Variants in MYO16 observed in about 807,000 individuals in gnomAD.
The protein encoded by MYO16 is myosin XVI.
A neutral mutation model predicts 205.3 loss-of-function variants in MYO16; 94 were observed. That is an observed-to-expected ratio of 0.46 (90% CI 0.39 to 0.54). The LOEUF (loss-of-function observed/expected upper bound fraction) is 0.54. MYO16 is among the 20% of genes least tolerant of loss of function. The pLI is 0.00. For missense variants in MYO16, 2,315 were observed against 2,387.5 expected (o/e 0.97, Z 0.63); for synonymous variants, 988 against 954.0 (o/e 1.04, Z -0.66).
At chr13:109,021,522 TG>T (rs1886021804) in intron 23 of MYO16, among the ~76,000 whole-genome samples, 1 of 152,174 alleles carries the variant, frequency 6.6e-6, no homozygotes, top group Admixed American at 6.6e-5. Context: ...TTCTGAGTCT[TG>T]TGCCATCATA....
In MYO16 at chr13:108,759,798, C is replaced by T. The variant is rs537548256; in HGVS notation, c.508-25837C>T. ...TCGCGCCACTGCACTCCAGCCTGGG[C>T]GACACAGCGAGACTCCGTCTCAAAA... On this transcript the variant is annotated intron_variant, in intron 4 of 34. Coordinates refer to ENST00000457511, the MANE Select transcript of MYO16 (RefSeq NM_001198950.3). 8.2e-4 allele frequency among the ~76,000 whole-genome samples: 117 copies of T among 142,050 alleles called. 1 individual carries two copies. The South Asian group carries it at 0.018, about 22-fold the overall frequency. The allele number at this position is 142,050 out of a possible 152,430, so 93.2% of individuals were successfully genotyped here.
intron 23 of MYO16, among the ~76,000 whole-genome samples, chr13:109,030,327 G>A (rs1440444240): frequency 6.6e-6 from 1 of 152,116 alleles, no homozygotes; most frequent in Non-Finnish European, 1.5e-5. Context: ...AAACCAGGCA[G>A]GGAAAATAAT....
At chr13:108,873,284 C>T (rs142330625) in intron 12 of MYO16, among the ~76,000 whole-genome samples, 12 of 152,136 alleles carry the variant, frequency 7.9e-5, no homozygotes, top group Non-Finnish European at 1.2e-4. Flanking sequence ...AGGAGAATGA[C>T]TTCTCCATTT....
At chr13:108,792,605 G>A (rs545976989) in intron 5 of MYO16, among the ~76,000 whole-genome samples, 11 of 150,172 alleles carry the variant, frequency 7.3e-5, no homozygotes, top group Admixed American at 4.0e-4. Context: ...TCTGCCTCCT[G>A]GGTTCAAGCA....
At chr13:108,882,563 T>C (rs543472805) in intron 12 of MYO16, among the ~76,000 whole-genome samples, 54 of 152,360 alleles carry the variant, frequency 3.5e-4, no homozygotes, top group Admixed American at 2.8e-3. Context: ...TGAATCATTA[T>C]GGCAATAATT....
chr13:108,848,710 G>A (rs1357800119), intron 10 of MYO16, among the ~76,000 whole-genome samples: 1 of 152,130 alleles, frequency 6.6e-6, no homozygotes, highest in East Asian at 1.9e-4. Context: ...ACCAACTCAA[G>A]AGACTGAGGT....
intron 2 of MYO16, among the ~76,000 whole-genome samples, chr13:108,674,454 TG>T (rs1421645114): frequency 1.3e-5 from 2 of 152,354 alleles, no homozygotes; most frequent in Non-Finnish European, 2.9e-5. Context: ...GTGACCCATC[TG>T]GGCTGGCACT....
chr13:108,963,121 AAG>A (rs1278858677), intron 19 of MYO16, among the ~76,000 whole-genome samples: 1 of 152,210 alleles, frequency 6.6e-6, no homozygotes, highest in Non-Finnish European at 1.5e-5. Flanking sequence ...TCAGTGAACA[AAG>A]AGAGTGGTTT....
the MYO16 span, among the ~76,000 whole-genome samples, chr13:108,583,032 TA>T: frequency 1.3e-5 from 2 of 152,186 alleles, no homozygotes; most frequent in Non-Finnish European, 2.9e-5. Context: ...AGTTTATGAA[TA>T]AATATTAGAA....
chr13:109,044,138 GAA>G (rs34531006), intron 23 of MYO16, among the ~76,000 whole-genome samples: 4 of 149,450 alleles, frequency 2.7e-5, no homozygotes, highest in Admixed American at 6.7e-5. Flanking sequence ...TGACTATGAT[GAA>G]AAAAAAAATG....
At chr13:108,838,115 C>G (rs1241258338) in intron 9 of MYO16, among the ~76,000 whole-genome samples, 1 of 152,132 alleles carries the variant, frequency 6.6e-6, no homozygotes, top group Non-Finnish European at 1.5e-5. Context: ...TTAGAACTGA[C>G]AGATTCAAAC....
At chr13:108,509,517 A>G in the MYO16 span, among the ~76,000 whole-genome samples, 2 of 152,024 alleles carry the variant, frequency 1.3e-5, no homozygotes, top group Admixed American at 1.3e-4. Context: ...CATTAATTCC[A>G]CTCTTTCCTC....
chr13:108,619,967 G>A (rs578162378), intron 1 of MYO16, among the ~76,000 whole-genome samples: 1 of 152,232 alleles, frequency 6.6e-6, no homozygotes, highest in South Asian at 2.1e-4. Context: ...AGCAGGAGGG[G>A]TATTGCCCCA....
chr13:108,496,194 G>A, the MYO16 span, among the ~76,000 whole-genome samples: 1,209 of 151,428 alleles, frequency 8.0e-3, 18 homozygotes, highest in African/African-American at 0.028. Flanking sequence ...CAACCGCTAG[G>A]ACGCGTAAGC....
rs34882433 is a variant in MYO16, at chr13:108,868,917, CAA to C, written c.1425+2690_1425+2691del. On this transcript the variant is annotated intron_variant, in intron 12 of 34. Transcript: ENST00000457511. ...GCTGGGCAACAGAGTGAGACTCTGT[CAA>C]AAAAAAAAAAAAAATCCTTTCTCTG... 8.3e-4 allele frequency among the ~76,000 whole-genome samples: 115 copies of C among 138,332 alleles called. 2 individuals are homozygous for C. The highest frequency in any genetic ancestry group is 6.5e-3 in the East Asian group (30 of 4,614). The allele number at this position is 138,332 out of a possible 152,430, so 90.8% of individuals were successfully genotyped here. A position where few individuals can be genotyped will look rare whatever the true frequency, so the allele number is the denominator to read the frequency against.
intron 4 of MYO16, among the ~76,000 whole-genome samples, chr13:108,731,720 A>G (rs1441104266): frequency 6.6e-6 from 1 of 152,220 alleles, no homozygotes; most frequent in Non-Finnish European, 1.5e-5. Flanking sequence ...ACCAATCATC[A>G]TCTTCATTCA....
chr13:108,566,733 GGGAGGAAGGAAGGAAGGAAGGA>G, the MYO16 span, among the ~76,000 whole-genome samples: 1 of 122,518 alleles, frequency 8.2e-6, no homozygotes, highest in Non-Finnish European at 1.7e-5. Context: ...AAGGAAGGAA[GGGAGGAAGGAAGGAAGGAAGGA>G]AGGAAGGAAG....
chr13:108,763,787 T>TCGTG (rs1555345030), intron 4 of MYO16, among the ~76,000 whole-genome samples: 1 of 142,536 alleles, frequency 7.0e-6, no homozygotes, highest in African/African-American at 2.6e-5. Flanking sequence ...AGAAAAGGAG[T>TCGTG]TGTGTGTGTG....
rs185292681 is a variant in MYO16, at chr13:108,691,641, G to A, written c.293-21020G>A. On this transcript the variant is annotated intron_variant, in intron 2 of 34. Coordinates refer to ENST00000457511, the MANE Select transcript of MYO16 (RefSeq NM_001198950.3). ...CCACCTTGAACTCCTGGGCTCAAGC[G>A]AGCCTCCCGCCTCAGCCTCTCATGT... 5.3e-5 allele frequency among the ~76,000 whole-genome samples: 8 copies of A among 152,242 alleles called. No homozygotes were observed. In the East Asian group the frequency reaches 9.7e-4, roughly 18 times the overall value.
Sources: allele counts gnomAD v4.1 joint callset (sites outside exome capture counted in the v4.1 genomes callset), GRCh38; gene constraint gnomAD v4.1.1; transcripts MANE v1.5; gene names NCBI Gene and HGNC (gene_info 2026-07-23, HGNC 2026-07-21).